ESCO2: variants seen among roughly 807,000 people sequenced by gnomAD.
ESCO2 encodes the protein establishment of sister chromatid cohesion N-acetyltransferase 2.
ESCO2 carries 51 observed loss-of-function variants against 61.7 expected under a neutral mutation model. The ratio of observed to expected loss-of-function variants is 0.83; its 90% CI spans 0.66 to 1.04. ESCO2 has a LOEUF of 1.04. Among genes scored for constraint, ESCO2 ranks in the 50% least tolerant of loss-of-function variants. ESCO2 has a pLI of 0.00. For synonymous variants in ESCO2, 230 were observed against 238.2 expected (o/e 0.97, Z 0.32); for missense variants, 692 against 686.2 (o/e 1.01, Z -0.09).
At chr8:27,818,648 T>A in the ESCO2 span, among the ~76,000 whole-genome samples, 1 of 150,058 alleles carries the variant, frequency 6.7e-6, no homozygotes, top group Non-Finnish European at 1.5e-5. Flanking sequence ...TAACTCTTAA[T>A]GCATTAGAAA....
chr8:27,818,288 T>C, the ESCO2 span, among the ~76,000 whole-genome samples: 2 of 152,218 alleles, frequency 1.3e-5, no homozygotes, highest in Non-Finnish European at 2.9e-5. Context: ...GAGGACATGT[T>C]AACCTACATT....
At chr8:27,779,995 A>C (rs915770411) in intron 3 of ESCO2, 179 bp from the exon 4 acceptor site, 5 of 562,968 alleles carry the variant, frequency 8.9e-6, no homozygotes, top group African/African-American at 1.9e-5. Context: ...ATGTACGCTT[A>C]GTGAATACAG....
intron 10 of ESCO2, among the ~76,000 whole-genome samples, 156 bp from the exon 11 acceptor site, chr8:27,803,150 T>G (rs750969661): frequency 1.3e-5 from 2 of 152,202 alleles, no homozygotes; most frequent in African/African-American, 4.8e-5. Flanking sequence ...ATCTGTGAAA[T>G]GATATCATTA....
At chr8:27,806,307 AT>A (rs146195670), downstream of ESCO2, among the ~76,000 whole-genome samples, 2,425 of 152,266 alleles carry the variant, frequency 0.016, 37 homozygotes, top group Middle Eastern at 0.044. Flanking sequence ...TTTGTCATAA[AT>A]TGTGCCAATA....
chr8:27,795,957 G>A (rs143106817), intron 9 of ESCO2, among the ~76,000 whole-genome samples: 31 of 151,722 alleles, frequency 2.0e-4, no homozygotes, highest in Admixed American at 3.9e-4. Flanking sequence ...GATTAATCTG[G>A]CCTTGCAAAA....
At chr8:27,816,703 TTAATA>T (rs1563489546), downstream of ESCO2, among the ~76,000 whole-genome samples, 1 of 152,194 alleles carries the variant, frequency 6.6e-6, no homozygotes, top group East Asian at 1.9e-4. Context: ...TTGTGAAATG[TTAATA>T]TATTACCTGT....
chr8:27,772,546 C>G, upstream of ESCO2: 2 of 1,549,408 alleles, frequency 1.3e-6, no homozygotes, highest in Non-Finnish European at 1.7e-6. Flanking sequence ...ACCATGATCC[C>G]GGGAGCGGTG....
At chr8:27,813,881 G>A (rs72609985), downstream of ESCO2, among the ~76,000 whole-genome samples, 19,830 of 152,140 alleles carry the variant, frequency 0.13, 1,534 homozygotes, top group East Asian at 0.34. Flanking sequence ...TGATACCTGT[G>A]TTTGTGAAGG....
chr8:27,775,093 G>A lies in ESCO2; in HGVS notation c.-16-406G>A, dbSNP rs1388620790. Among the ~76,000 whole-genome samples, 7 of 152,200 alleles carry A rather than the reference G, an allele frequency of 4.6e-5. No homozygotes were observed. The East Asian group carries it at 1.3e-3, about 29-fold the overall frequency. On this transcript the variant is annotated intron_variant, in intron 1 of 10. Coordinates refer to ENST00000305188, the MANE Select transcript of ESCO2 (RefSeq NM_001017420.3). ...CGTAGCCGCCTGCTCGTGCATTCTA[G>A]CATTTGTTTTCAGCAGCCTTACGAC...
intron 9 of ESCO2, among the ~76,000 whole-genome samples, chr8:27,796,881 G>A (rs1277908915): frequency 6.6e-6 from 1 of 152,192 alleles, no homozygotes; most frequent in Non-Finnish European, 1.5e-5. Context: ...AACACTTTGG[G>A]AGGCTGAGGC....
At chr8:27,788,432 TC>T (rs1174661035) in intron 6 of ESCO2, among the ~76,000 whole-genome samples, 1 of 152,208 alleles carries the variant, frequency 6.6e-6, no homozygotes, top group African/African-American at 2.4e-5. Flanking sequence ...TAGTAAATAA[TC>T]TTGTAAAAAT....
intron 8 of ESCO2, among the ~76,000 whole-genome samples, chr8:27,792,318 G>T (rs889596185): frequency 2.0e-5 from 3 of 151,900 alleles, no homozygotes; most frequent in African/African-American, 7.3e-5. Flanking sequence ...TGGCCCCCAG[G>T]GTCTATTTCT....
chr8:27,786,784 C>A (rs1348634110), intron 5 of ESCO2, among the ~76,000 whole-genome samples: 4 of 105,740 alleles, frequency 3.8e-5, no homozygotes, highest in Non-Finnish European at 5.8e-5. Flanking sequence ...AATGCTCCAC[C>A]TTTTTTTTTT....
downstream of ESCO2, chr8:27,810,433 T>C (rs558321363): frequency 1.9e-6 from 3 of 1,608,624 alleles, no homozygotes; most frequent in African/African-American, 1.3e-5. Context: ...TCCATATTAA[T>C]AGGTGGCCTA....
chr8:27,804,327 C>A lies in ESCO2; in HGVS notation c.*889C>A, dbSNP rs1000183509. ...TACTACTTTGGGAACCTGTTACTGA[C>A]AATTGATGTCATTAACAAAATGCCT... On this transcript the variant is annotated 3_prime_UTR_variant, in exon 11 of 11. Coordinates refer to ENST00000305188, the MANE Select transcript of ESCO2 (RefSeq NM_001017420.3). The A allele has an allele frequency of 2.0e-6, 2 of 985,350 alleles. No individual in the cohort carries two copies. Among genetic ancestry groups the A allele is most frequent in the Non-Finnish European group, 1.2e-6 (1 of 829,902 alleles). 61.0% of individuals were successfully genotyped at this position (985,350 alleles called of 1,614,324 possible).
intron 9 of ESCO2, among the ~76,000 whole-genome samples, chr8:27,795,559 G>A (rs1805275879): frequency 1.3e-5 from 2 of 152,160 alleles, no homozygotes; most frequent in Non-Finnish European, 1.5e-5. Flanking sequence ...GAATAGAAAT[G>A]ATGAGAGTTA....
chr8:27,775,719 G>GGA, intron 2 of ESCO2, 152 bp downstream of exon 2: 1 of 713,688 alleles, frequency 1.4e-6, no homozygotes, highest in South Asian at 1.6e-5. Context: ...ATTCTAGCTT[G>GGA]GAAATACATT....
chr8:27,814,735 C>T (rs1048954358), downstream of ESCO2, among the ~76,000 whole-genome samples: 2 of 152,120 alleles, frequency 1.3e-5, no homozygotes, highest in African/African-American at 4.8e-5. Context: ...TTCCAATTTC[C>T]CTTGTCATTT....
intron 9 of ESCO2, among the ~76,000 whole-genome samples, chr8:27,799,152 G>A (rs202158542): frequency 2.9e-3 from 1 of 348 alleles, no homozygotes; most frequent in Non-Finnish European, 0.011. Flanking sequence ...TTTAAGAAAC[G>A]AAATGCCAAC....
Sources: gnomAD v4.1 joint callset for allele counts (sites outside exome capture counted in the v4.1 genomes callset) on GRCh38, gnomAD v4.1.1 for gene constraint, MANE v1.5 for transcripts, NCBI Gene and HGNC (gene_info 2026-07-23, HGNC 2026-07-21) for gene names.